Variants in ZNF710 observed in about 807,000 individuals in gnomAD.
ZNF710 encodes the protein zinc finger protein 710.
ZNF710 carries 13 observed loss-of-function variants against 50.6 expected under a neutral mutation model. That is an observed-to-expected ratio of 0.26 (90% CI 0.17 to 0.41). The LOEUF (loss-of-function observed/expected upper bound fraction) is 0.41. ZNF710 is among the 10% of genes least tolerant of loss of function. The pLI is 1.00. For synonymous variants in ZNF710, 383 were observed against 397.0 expected (o/e 0.96, Z 0.42); for missense variants, 721 against 936.6 (o/e 0.77, Z 3.01).
At position 90,068,250 on chromosome 15, in the gene ZNF710, G is replaced by A. The variant is rs749430626; in HGVS notation, c.1113G>A (p.Leu371=). Residue 371 remains leucine, a synonymous_variant, in exon 2 of 5, where the codon CTG becomes CTA. Transcript: ENST00000268154. The surrounding 1 kb of genome is among the most constrained non-coding windows in gnomAD (Gnocchi z 5.0). ...CCAGCCACCTCAAGCGCCACATGCT[G>A]CTGCACTCGGAGGTCAAGCCCTACA... ...TQTSHLKRHM[L]LHSEVKPYSC... is the part of the protein sequence containing the mutation. 7 of 1,613,208 alleles carry A rather than the reference G, an allele frequency of 4.3e-6. No homozygotes were observed. The African/African-American group carries it at 8.0e-5, about 18-fold the overall frequency.
chr15:90,067,789 T>C lies in ZNF710; in HGVS notation c.652T>C (p.Phe218Leu). ...GPEALPTECGFEPPHLAPLSD... is the reference protein window; with the variant it reads ...GPEALPTECGLEPPHLAPLSD... Reference sequence around the variant, plus strand: ...AGAGGCCTTGCCCACAGAGTGTGGGTTCGAGCCACCCCACCTGGCCCCCCT... The same window carrying C: ...AGAGGCCTTGCCCACAGAGTGTGGGCTCGAGCCACCCCACCTGGCCCCCCT... The change falls in exon 2 of 5, where the codon TTC becomes CTC. Residue 218 changes from phenylalanine (F) to leucine (L), a missense_variant. Physicochemically the swap from Phe to Leu is conservative, Grantham distance 22 (BLOSUM62 0). This residue lies in a region of ZNF710 where 326 missense variants were observed against 347.1 expected (regional missense o/e 0.94). Coordinates refer to ENST00000268154, the MANE Select transcript of ZNF710 (RefSeq NM_198526.4). The surrounding 1 kb of genome is among the most constrained non-coding windows in gnomAD (Gnocchi z 8.1). The C allele has an allele frequency of 1.9e-6, 3 of 1,582,260 alleles. No individual in the cohort carries two copies. The highest frequency in any genetic ancestry group is 2.6e-6 in the Non-Finnish European group (3 of 1,165,070).
chr15:90,062,522 C>A lies in ZNF710; in HGVS notation c.-28-4588C>A, dbSNP rs1468894665. Among the ~76,000 whole-genome samples, 1 of 152,080 alleles carries A rather than the reference C, an allele frequency of 6.6e-6. No homozygotes were observed. Among genetic ancestry groups the A allele is most frequent in the Non-Finnish European group, 1.5e-5 (1 of 68,016 alleles). On this transcript the variant is annotated intron_variant, in intron 1 of 4. Transcript: ENST00000268154. The surrounding 1 kb of genome is among the most constrained non-coding windows in gnomAD (Gnocchi z 5.6). The stretch of plus-strand genomic sequence containing the variant: ...GAAGGGAGGGGCCCCAGTGGGGCCC[C>A]AGGCGGATGACAGAGGGGCCTTGGG...
chr15:90,049,325 C>T (rs1341873263), intron 1 of ZNF710, among the ~76,000 whole-genome samples: 1 of 152,150 alleles, frequency 6.6e-6, no homozygotes, highest in East Asian at 1.9e-4. Flanking sequence ...CTAGAGCTTC[C>T]AATTGCTGAG....
At chr15:90,075,919 CAAA>C (rs1306523221) in intron 4 of ZNF710, 1 of 152,212 alleles carries the variant, frequency 6.6e-6, no homozygotes, top group Non-Finnish European at 1.5e-5. Context: ...CTCTACACTT[CAAA>C]AAGATCTCTG....
At chr15:90,014,114 G>A (rs989852169) in intron 1 of ZNF710, among the ~76,000 whole-genome samples, 3 of 151,684 alleles carry the variant, frequency 2.0e-5, no homozygotes, top group Admixed American at 6.6e-5. Flanking sequence ...AAGCACCCCC[G>A]GTCTTGGACA....
chr15:90,059,629 GC>G lies in ZNF710; in HGVS notation c.-28-7477del, dbSNP rs1287242766. On this transcript the variant is annotated intron_variant, in intron 1 of 4. Transcript: ENST00000268154. The surrounding 1 kb of genome is among the most constrained non-coding windows in gnomAD (Gnocchi z 4.1). ...AGGAAGAGACTCTCGAACTTCCCCT[GC>G]CCCTCCCCCGTGCCGGCGGCAGCTC... Among the ~76,000 whole-genome samples the G allele has an allele frequency of 1.3e-5, 2 of 152,182 alleles. No individual in the cohort carries two copies. Among genetic ancestry groups the G allele is most frequent in the African/African-American group, 4.8e-5 (2 of 41,444 alleles).
Position 90,034,648 on chromosome 15 carries a change from T to C in ZNF710, c.-28-32462T>C, listed in dbSNP as rs6496616. Among the ~76,000 whole-genome samples the C allele has an allele frequency of 0.047, 7,156 of 152,128 alleles. 586 individuals are homozygous for C. Among genetic ancestry groups the C allele is most frequent in the African/African-American group, 0.16 (6,588 of 41,460 alleles). Reference sequence around the variant, plus strand: ...GGCCTCTGCCTCACCCGCCAGCTCTTCTCACCCCTTCTGAGAGGCCCGCCT... The same window carrying C: ...GGCCTCTGCCTCACCCGCCAGCTCTCCTCACCCCTTCTGAGAGGCCCGCCT... On this transcript the variant is annotated intron_variant, in intron 1 of 4. Coordinates refer to ENST00000268154, the MANE Select transcript of ZNF710 (RefSeq NM_198526.4). This position sits in a 1 kb window ranked among gnomAD's most constrained non-coding sequence, Gnocchi z 4.0.
At chr15:90,073,347 G>C in intron 3 of ZNF710, 85 bp downstream of exon 3, 1 of 1,508,396 alleles carries the variant, frequency 6.6e-7, no homozygotes, top group Non-Finnish European at 9.0e-7. Context: ...GGCCCACCAA[G>C]CGCCAGCCTG....
At chr15:90,036,821 A>G (rs1222615278) in intron 1 of ZNF710, among the ~76,000 whole-genome samples, 1 of 152,196 alleles carries the variant, frequency 6.6e-6, no homozygotes, top group Non-Finnish European at 1.5e-5. Context: ...AATGGCATCC[A>G]GACATGGCCT....
chr15:90,065,186 G>T (rs894996245), intron 1 of ZNF710, among the ~76,000 whole-genome samples: 3 of 152,204 alleles, frequency 2.0e-5, no homozygotes, highest in Non-Finnish European at 2.9e-5. Flanking sequence ...CCTGTCTGGG[G>T]TATTTTTAGC....
chr15:90,023,888 A>G (rs959419268), intron 1 of ZNF710, among the ~76,000 whole-genome samples: 2 of 151,894 alleles, frequency 1.3e-5, no homozygotes, highest in Non-Finnish European at 1.5e-5. Flanking sequence ...AGTCCCAGCT[A>G]CTCGGGAAGC....
At chr15:90,021,077 G>A (rs1050815670) in intron 1 of ZNF710, among the ~76,000 whole-genome samples, 1 of 120,376 alleles carries the variant, frequency 8.3e-6, no homozygotes, top group Non-Finnish European at 1.9e-5. Context: ...TGGGTTCCTT[G>A]CTATGGAGTC....
rs117096970 is a variant in ZNF710, at chr15:90,011,384, C to T, written c.-29+9770C>T. ...ACGGCCTCCCAGAGTGTTGGGATTA[C>T]AGGTGTGAGCCACCGTGCCTGGCCT... is the stretch of plus-strand genomic sequence containing the variant. On this transcript the variant is annotated intron_variant, in intron 1 of 4. Coordinates refer to ENST00000268154, the MANE Select transcript of ZNF710 (RefSeq NM_198526.4). Among the ~76,000 whole-genome samples the T allele has an allele frequency of 5.3e-5, 8 of 152,364 alleles. No individual in the cohort carries two copies. In the East Asian group the frequency reaches 1.5e-3, roughly 29 times the overall value.
intron 1 of ZNF710, among the ~76,000 whole-genome samples, chr15:90,022,479 A>C (rs1898654554): frequency 6.6e-6 from 1 of 152,220 alleles, no homozygotes; most frequent in African/African-American, 2.4e-5. Context: ...GTGAGATGGT[A>C]GAAGATGAGG....
intron 1 of ZNF710, among the ~76,000 whole-genome samples, chr15:90,027,631 C>A (rs959709887): frequency 6.6e-6 from 1 of 152,064 alleles, no homozygotes; most frequent in Admixed American, 6.5e-5. Flanking sequence ...GCAGGCTGAT[C>A]ATTTGAGGCC....
At chr15:90,048,127 G>A (rs1017453831) in intron 1 of ZNF710, among the ~76,000 whole-genome samples, 4 of 152,232 alleles carry the variant, frequency 2.6e-5, no homozygotes, top group Admixed American at 1.3e-4. Context: ...TGTGAACGTC[G>A]GTTTTGCCAT....
Position 90,056,283 on chromosome 15 carries a change from G to A in ZNF710, c.-28-10827G>A, listed in dbSNP as rs143428665. Among the ~76,000 whole-genome samples, 151 of 152,148 alleles carry A rather than the reference G, an allele frequency of 9.9e-4. 1 individual carries two copies. Among genetic ancestry groups the A allele is most frequent in the African/African-American group, 3.3e-3 (139 of 41,498 alleles). On this transcript the variant is annotated intron_variant, in intron 1 of 4. Coordinates refer to ENST00000268154, the MANE Select transcript of ZNF710 (RefSeq NM_198526.4). ...AAAAAATTAGCCAGGCCGTGGTGGC[G>A]CATGCCTGTAATCCCAGCTACTCAG...
At chr15:90,012,293 T>C (rs1209127982) in intron 1 of ZNF710, among the ~76,000 whole-genome samples, 59 of 136,532 alleles carry the variant, frequency 4.3e-4, no homozygotes, top group Non-Finnish European at 7.7e-4. Context: ...AGTGTGCATT[T>C]TTTTTTTTTT....
chr15:90,026,212 C>G (rs1243190538), intron 1 of ZNF710, among the ~76,000 whole-genome samples: 1 of 131,884 alleles, frequency 7.6e-6, no homozygotes, highest in Non-Finnish European at 1.6e-5. Context: ...CCTGGCAATT[C>G]TATTTGAGAA....
Sources: allele counts gnomAD v4.1 joint callset (sites outside exome capture counted in the v4.1 genomes callset), GRCh38; gene constraint gnomAD v4.1.1; regional missense constraint gnomAD v4.1.1; non-coding constraint Gnocchi (gnomAD v3.1); transcripts MANE v1.5; gene names NCBI Gene and HGNC (gene_info 2026-07-23, HGNC 2026-07-21).